Variants in GAL3ST2 observed in about 807,000 individuals in gnomAD.
GAL3ST2 encodes the protein beta-galactose-3-O-sulfotransferase 2.
Under a neutral mutation model 12.9 loss-of-function variants are expected in GAL3ST2, and 16 were observed. That is an observed-to-expected ratio of 1.24 (90% CI 0.84 to 1.88). The LOEUF is 1.88. Ranked by LOEUF, GAL3ST2 falls within the 40% of genes most tolerant of loss-of-function variation. GAL3ST2 has a pLI of 0.00. For missense variants in GAL3ST2, 639 were observed against 571.8 expected (o/e 1.12, Z -1.20); for synonymous variants, 302 against 273.9 (o/e 1.10, Z -1.01).
chr2:241,795,431 A>G lies in GAL3ST2; in HGVS notation c.30-3634A>G, dbSNP rs1699761110. Among the ~76,000 whole-genome samples the G allele has an allele frequency of 6.6e-6, 1 of 152,194 alleles. No homozygotes were observed. Among genetic ancestry groups the G allele is most frequent in the Non-Finnish European group, 1.5e-5 (1 of 68,040 alleles). On this transcript the variant is annotated intron_variant, in intron 1 of 3. Coordinates refer to ENST00000192314, the MANE Select transcript of GAL3ST2 (RefSeq NM_022134.3). This position sits in a 1 kb window ranked among gnomAD's most constrained non-coding sequence, Gnocchi z 4.5. ...CTCAAACAGATGGCCAGTGCGTCCCATAAAAGTGCAGAGGGGCTATAAAAG... is the reference window on the plus strand; with the variant it reads ...CTCAAACAGATGGCCAGTGCGTCCCGTAAAAGTGCAGAGGGGCTATAAAAG...
In GAL3ST2 at chr2:241,803,885, G is replaced by A; in HGVS notation, c.916G>A (p.Glu306Lys). 7.0e-7 allele frequency: 1 copy of A among 1,420,204 alleles called. No homozygotes were observed. The highest frequency in any genetic ancestry group is 9.1e-7 in the Non-Finnish European group (1 of 1,095,944). 88.0% of individuals were successfully genotyped at this position (1,420,204 alleles called of 1,614,324 possible). Residue 306 changes from glutamate to lysine, a missense_variant, in exon 4 of 4, where the codon GAG becomes AAG. By Grantham distance (56) the Glu-to-Lys change is moderately conservative. Transcript: ENST00000192314. ...GCTGGGGCCGCGGCGGCTGCGCGGG[G>A]AGGTGGAGCGGCTGCGCGCCCGGAG... ...AELGPRRLRGEVERLRARRRE... is the reference protein window; with the variant it reads ...AELGPRRLRGKVERLRARRRE...
Position 241,799,186 on chromosome 2 carries a change from C to T in GAL3ST2, c.119+32C>T, listed in dbSNP as rs76247251. On this transcript the variant is annotated intron_variant, in intron 2 of 3. Transcript: ENST00000192314. Reference sequence around the variant, plus strand: ...CCTGCCCCCACCATAAGTCCTGCCCCGGGTACCTCCTAACAGCCCCGAGGA... The same window carrying T: ...CCTGCCCCCACCATAAGTCCTGCCCTGGGTACCTCCTAACAGCCCCGAGGA... 1,353 of 1,585,682 alleles carry T rather than the reference C, an allele frequency of 8.5e-4. 4 individuals carry two copies. Among genetic ancestry groups the T allele is most frequent in the East Asian group, 5.6e-3 (249 of 44,732 alleles).
rs916920613 is a variant in GAL3ST2, at chr2:241,795,027, C to T, written c.30-4038C>T. 2.0e-5 allele frequency among the ~76,000 whole-genome samples: 3 copies of T among 152,074 alleles called. No homozygotes were observed. Among genetic ancestry groups the T allele is most frequent in the African/African-American group, 7.2e-5 (3 of 41,380 alleles). ...TCTAGTAAATTCCCAGTAGTGCAGCCACAGGCTCTCCTTAAAGAATGTGTA... is the reference window on the plus strand; with the variant it reads ...TCTAGTAAATTCCCAGTAGTGCAGCTACAGGCTCTCCTTAAAGAATGTGTA... On this transcript the variant is annotated intron_variant, in intron 1 of 3. Transcript: ENST00000192314. This position sits in a 1 kb window ranked among gnomAD's most constrained non-coding sequence, Gnocchi z 4.5.
In GAL3ST2 at chr2:241,799,039, G is replaced by C. The variant is rs116294224; in HGVS notation, c.30-26G>C. 118 of 1,593,040 alleles carry C rather than the reference G, an allele frequency of 7.4e-5. No individual in the cohort carries two copies. In the African/African-American group the frequency reaches 1.5e-3, roughly 20 times the overall value. ...GTGGGGCTGGCACGACCCGGACTGG[G>C]CACTCATGGCCTGCCCTTTCCACAG... On this transcript the variant is annotated intron_variant, in intron 1 of 3. Transcript: ENST00000192314.
intron 1 of GAL3ST2, among the ~76,000 whole-genome samples, chr2:241,784,852 ACT>A (rs970365542): frequency 2.6e-5 from 4 of 152,242 alleles, no homozygotes; most frequent in Admixed American, 2.0e-4. Context: ...AAAGGAAACA[ACT>A]CTGGTGAAAA....
chr2:241,782,160 G>A (rs575908569), intron 1 of GAL3ST2, among the ~76,000 whole-genome samples: 62 of 152,290 alleles, frequency 4.1e-4, no homozygotes, highest in Non-Finnish European at 8.1e-4. Context: ...AGGCCCATAT[G>A]CTGGTCTTGC....
At chr2:241,794,252 C>T (rs1051472571) in intron 1 of GAL3ST2, among the ~76,000 whole-genome samples, 1 of 152,162 alleles carries the variant, frequency 6.6e-6, no homozygotes, top group Admixed American at 6.5e-5. Context: ...CTGGCCAAGA[C>T]TTTTATTACC....
At chr2:241,782,523 AC>A (rs1331299186) in intron 1 of GAL3ST2, among the ~76,000 whole-genome samples, 1 of 151,932 alleles carries the variant, frequency 6.6e-6, no homozygotes. Context: ...ATGGAGTTTC[AC>A]CATGTTGGCC....
chr2:241,792,028 T>C (rs1223085134), intron 1 of GAL3ST2, among the ~76,000 whole-genome samples: 48 of 149,766 alleles, frequency 3.2e-4, no homozygotes, highest in South Asian at 4.2e-4. Flanking sequence ...TTTTTTTTTT[T>C]CTGAGATGGA....
chr2:241,797,384 C>T (rs1699785656), intron 1 of GAL3ST2, among the ~76,000 whole-genome samples: 1 of 152,222 alleles, frequency 6.6e-6, no homozygotes, highest in South Asian at 2.1e-4. Flanking sequence ...CTGGCCATCA[C>T]TATATGTTTT....
At chr2:241,790,131 T>C (rs1467778432) in intron 1 of GAL3ST2, among the ~76,000 whole-genome samples, 1 of 152,170 alleles carries the variant, frequency 6.6e-6, no homozygotes, top group African/African-American at 2.4e-5. Flanking sequence ...TTTGTTGTCT[T>C]GTTTTGGTCC....
chr2:241,785,276 G>A (rs982162636), intron 1 of GAL3ST2, among the ~76,000 whole-genome samples: 5 of 152,310 alleles, frequency 3.3e-5, no homozygotes, highest in East Asian at 3.9e-4. Flanking sequence ...GACAGCCCAC[G>A]TGTGGTGGCT....
intron 1 of GAL3ST2, among the ~76,000 whole-genome samples, chr2:241,792,307 G>C (rs1699703012): frequency 6.6e-6 from 1 of 152,154 alleles, no homozygotes; most frequent in Non-Finnish European, 1.5e-5. Context: ...TGGGATTACA[G>C]ACATGAACCA....
rs779656965 is a variant in GAL3ST2 at position 241,801,967 on chromosome 2, C to T, written c.306C>T (p.Tyr102=). ...ACCCCTGGCTCTTCCTGGCGCGCTA[C>T]GTGGAAGGCGTGGGGTCGCAGCAGC... ...LGYPWLFLAR[Y]VEGVGSQQRF... Residue 102 remains tyrosine (Y), a synonymous_variant, in exon 3 of 4, where the codon TAC becomes TAT. Coordinates refer to ENST00000192314, the MANE Select transcript of GAL3ST2 (RefSeq NM_022134.3). This position sits in a 1 kb window ranked among gnomAD's most constrained non-coding sequence, Gnocchi z 4.4. 8.1e-6 allele frequency: 13 copies of T among 1,612,860 alleles called. No homozygotes were observed. Among genetic ancestry groups the T allele is most frequent in the Middle Eastern group, 1.6e-4 (1 of 6,084 alleles).
chr2:241,802,650 A>G lies in GAL3ST2; in HGVS notation c.375+614A>G, dbSNP rs1224109465. 5.4e-5 allele frequency among the ~76,000 whole-genome samples: 1 copy of G among 18,486 alleles called. No homozygotes were observed. The highest frequency in any genetic ancestry group is 2.1e-4 in the African/African-American group (1 of 4,768). 12.1% of individuals were successfully genotyped at this position (18,486 alleles called of 152,430 possible). ...GGGGCTGCGGGGCAGAGGGAGGAGGAGGGGCCGGGAGGAGGGGAAAGGAAG... is the reference window on the plus strand; with the variant it reads ...GGGGCTGCGGGGCAGAGGGAGGAGGGGGGGCCGGGAGGAGGGGAAAGGAAG... On this transcript the variant is annotated intron_variant, in intron 3 of 3. Transcript: ENST00000192314. This position sits in a 1 kb window ranked among gnomAD's most constrained non-coding sequence, Gnocchi z 4.8.
At chr2:241,790,773 A>G (rs558573013) in intron 1 of GAL3ST2, among the ~76,000 whole-genome samples, 3 of 152,330 alleles carry the variant, frequency 2.0e-5, no homozygotes, top group South Asian at 4.1e-4. Flanking sequence ...TCTCAGATCC[A>G]GGAGATAATC....
At chr2:241,790,663 A>C (rs1424273233) in intron 1 of GAL3ST2, among the ~76,000 whole-genome samples, 1 of 152,210 alleles carries the variant, frequency 6.6e-6, no homozygotes, top group Non-Finnish European at 1.5e-5. Flanking sequence ...TTACCCCAAA[A>C]TATATTTCCT....
In GAL3ST2 at chr2:241,803,672, G is replaced by C. The variant is rs778789252; in HGVS notation, c.703G>C (p.Val235Leu). Reference protein sequence around the residue: ...LIAEHLDESLVLLRRRLRWAL... With the variant: ...LIAEHLDESLLLLRRRLRWAL... ...CGCCGAGCACCTGGACGAGTCCCTG[G>C]TGCTGCTGCGGCGCCGGCTGCGCTG... Residue 235 changes from valine to leucine, a missense_variant, in exon 4 of 4, where the codon GTG becomes CTG. By Grantham distance (32) the Val-to-Leu change is conservative. Coordinates refer to ENST00000192314, the MANE Select transcript of GAL3ST2 (RefSeq NM_022134.3). 51 of 1,547,554 alleles carry C rather than the reference G, an allele frequency of 3.3e-5. No individual in the cohort carries two copies. The highest frequency in any genetic ancestry group is 3.0e-4 in the African/African-American group (22 of 72,902).
At chr2:241,797,515 C>T (rs939035115) in intron 1 of GAL3ST2, among the ~76,000 whole-genome samples, 7 of 152,168 alleles carry the variant, frequency 4.6e-5, no homozygotes, top group East Asian at 1.9e-4. Flanking sequence ...AGAGGAGTGC[C>T]GGGCCAGCGT....
Sources: allele counts gnomAD v4.1 joint callset (sites outside exome capture counted in the v4.1 genomes callset), GRCh38; gene constraint gnomAD v4.1.1; non-coding constraint Gnocchi (gnomAD v3.1); transcripts MANE v1.5; gene names NCBI Gene and HGNC (gene_info 2026-07-23, HGNC 2026-07-21).